The following PTPRB variants were observed in gnomAD, a reference collection of about 807,000 sequenced individuals.
PTPRB encodes the protein protein tyrosine phosphatase receptor type B.
In PTPRB, 97 loss-of-function variants were observed where a neutral mutation model predicts 238.1. That is an observed-to-expected ratio of 0.41 (90% CI 0.35 to 0.48). PTPRB has a LOEUF of 0.48. Ranked by LOEUF, PTPRB falls within the 20% of genes least tolerant of loss-of-function variation. PTPRB has a pLI of 0.30. For synonymous variants in PTPRB, 970 were observed against 995.4 expected (o/e 0.97, Z 0.48); for missense variants, 2,292 against 2,681.9 (o/e 0.85, Z 3.21).
At chr12:70,588,095 C>CAAAAA (rs10558140) in intron 8 of PTPRB, among the ~76,000 whole-genome samples, 35 of 104,478 alleles carry the variant, frequency 3.3e-4, no homozygotes, top group African/African-American at 4.2e-4. Flanking sequence ...GACTCTGTCT[C>CAAAAA]AAAAAAAAAA....
In PTPRB at chr12:70,592,272, C is replaced by T. The variant is rs1882560690; in HGVS notation, c.1780+10G>A. 2.5e-6 allele frequency: 4 copies of T among 1,613,816 alleles called. No homozygotes were observed. The highest frequency in any genetic ancestry group is 3.4e-6 in the Non-Finnish European group (4 of 1,179,878). ...AGCAACCAAGGAACATTCTGGAGCCCAAGACTCACATGTTCTGCCCACTGC... is the reference window on the plus strand; with the variant it reads ...AGCAACCAAGGAACATTCTGGAGCCTAAGACTCACATGTTCTGCCCACTGC... On this transcript the variant is annotated intron_variant, in intron 7 of 33. Transcript: ENST00000334414.
At chr12:70,596,876 C>T (rs1031542707) in intron 4 of PTPRB, among the ~76,000 whole-genome samples, 13 of 151,538 alleles carry the variant, frequency 8.6e-5, no homozygotes, top group African/African-American at 3.2e-4. Flanking sequence ...GGTTGCTTAC[C>T]AAAATGGATT....
At chr12:70,551,661 G>A (rs1379063099) in intron 21 of PTPRB, among the ~76,000 whole-genome samples, 1 of 152,066 alleles carries the variant, frequency 6.6e-6, no homozygotes, top group Non-Finnish European at 1.5e-5. Flanking sequence ...CTAATTTACT[G>A]CCATATTGGT....
In PTPRB at chr12:70,560,818, G is replaced by A; in HGVS notation, c.4285C>T (p.Pro1429Ser). Residue 1429 changes from proline (P) to serine (S), a missense_variant, in exon 17 of 34, where the codon CCC (proline) becomes TCC (serine). Physicochemically the swap from Pro to Ser is moderately conservative, Grantham distance 74. Coordinates refer to ENST00000334414, the MANE Select transcript of PTPRB (RefSeq NM_001109754.4). The surrounding 1 kb of genome is among the most constrained non-coding windows in gnomAD (Gnocchi z 4.2). ...FDFYELILYN[P>S]NGTKKENWKD... The stretch of plus-strand genomic sequence containing the variant: ...CAGTTTTCCTTCTTTGTGCCATTGG[G>A]ATTATAGAGAATCAGCTCATAAAAG... 3 of 1,613,942 alleles carry A rather than the reference G, an allele frequency of 1.9e-6. No individual in the cohort carries two copies. Among genetic ancestry groups the A allele is most frequent in the Non-Finnish European group, 2.5e-6 (3 of 1,179,886 alleles).
chr12:70,619,157 A>T (rs1289410885), intron 3 of PTPRB, among the ~76,000 whole-genome samples: 2 of 142,116 alleles, frequency 1.4e-5, no homozygotes, highest in Admixed American at 7.1e-5. Flanking sequence ...TGTTTAGGGG[A>T]GTGTGTGTGT....
At chr12:70,592,029 T>C (rs941224716) in intron 7 of PTPRB, 5 of 540,788 alleles carry the variant, frequency 9.2e-6, no homozygotes, top group East Asian at 3.1e-5. Context: ...TCAATGCTAA[T>C]GCATTTATGC....
chr12:70,581,777 T>C (rs187535148), intron 9 of PTPRB, among the ~76,000 whole-genome samples: 102 of 151,744 alleles, frequency 6.7e-4, no homozygotes, highest in African/African-American at 2.4e-3. Flanking sequence ...TTAAAGGGGC[T>C]GTTATTATAC....
intron 21 of PTPRB, among the ~76,000 whole-genome samples, chr12:70,552,212 G>A (rs1876981074): frequency 6.6e-6 from 1 of 152,176 alleles, no homozygotes; most frequent in Non-Finnish European, 1.5e-5. Context: ...GGCCAGGCAT[G>A]GTGGCTCACA....
chr12:70,627,181 A>T (rs1885243518), intron 2 of PTPRB, among the ~76,000 whole-genome samples: 1 of 152,164 alleles, frequency 6.6e-6, no homozygotes, highest in Non-Finnish European at 1.5e-5. Flanking sequence ...AGGAGAAAAG[A>T]CTGAAATAGT....
In PTPRB at chr12:70,556,158, A is replaced by T. The variant is rs746375628; in HGVS notation, c.4715-10T>A. The T allele has an allele frequency of 1.2e-6, 2 of 1,608,260 alleles. No individual in the cohort carries two copies. Among genetic ancestry groups the T allele is most frequent in the South Asian group, 2.2e-5 (2 of 90,596 alleles). On this transcript the variant is annotated splice_polypyrimidine_tract_variant and intron_variant, in intron 18 of 33. Transcript: ENST00000334414. ...TGTATCTTGTCAGGCTCTAAAGGAAACAGAGGAGGCAACACTTTTCAGAAC... is the reference window on the plus strand; with the variant it reads ...TGTATCTTGTCAGGCTCTAAAGGAATCAGAGGAGGCAACACTTTTCAGAAC...
At position 70,590,104 on chromosome 12, in the gene PTPRB, A is replaced by C. The variant is rs1056477409; in HGVS notation, c.1910T>G (p.Leu637Arg). The change falls in exon 8 of 34, where the codon CTG becomes CGG. Residue 637 changes from leucine (L) to arginine (R), a missense_variant. Coordinates refer to ENST00000334414, the MANE Select transcript of PTPRB (RefSeq NM_001109754.4). The part of the protein sequence containing the change: ...RILLFNDSVV[L>R]LNITVGKEET... ...TTCCTTTCCCACAGTGATGTTGAGC[A>C]GCACCACAGAATCATTGAAGAGTAG... is the stretch of plus-strand genomic sequence containing the variant. 6.2e-7 allele frequency: 1 copy of C among 1,613,846 alleles called. No individual in the cohort carries two copies. Among genetic ancestry groups the C allele is most frequent in the African/African-American group, 1.3e-5 (1 of 74,914 alleles).
chr12:70,538,007 A>G, intron 28 of PTPRB, 148 bp downstream of exon 28: 1 of 584,128 alleles, frequency 1.7e-6, no homozygotes, highest in Non-Finnish European at 2.9e-6. Flanking sequence ...TGGATACCCC[A>G]TTTTTTTTAT....
chr12:70,635,552 A>C, intron 2 of PTPRB, 119 bp downstream of exon 2: 1 of 1,241,054 alleles, frequency 8.1e-7, no homozygotes, highest in Middle Eastern at 2.4e-4. Flanking sequence ...TCCATAGGAA[A>C]TATGTTGGGG....
chr12:70,582,294 T>C (rs1161490686), intron 9 of PTPRB, among the ~76,000 whole-genome samples: 1 of 152,150 alleles, frequency 6.6e-6, no homozygotes, highest in Non-Finnish European at 1.5e-5. Flanking sequence ...CTACTGTATA[T>C]GGATCAGATT....
Position 70,538,147 on chromosome 12 carries a change from T to G in PTPRB, c.5946+8A>C, listed in dbSNP as rs779373775. 2 of 1,610,624 alleles carry G rather than the reference T, an allele frequency of 1.2e-6. No individual in the cohort carries two copies. Among genetic ancestry groups the G allele is most frequent in the Non-Finnish European group, 1.7e-6 (2 of 1,177,932 alleles). ...ATCCTGAACACTATGGCCTAGTGGG[T>G]CACTTACAGGGATGTAGCTGGCATT... On this transcript the variant is annotated splice_region_variant and intron_variant, in intron 28 of 33. Coordinates refer to ENST00000334414, the MANE Select transcript of PTPRB (RefSeq NM_001109754.4).
intron 21 of PTPRB, among the ~76,000 whole-genome samples, chr12:70,547,265 C>A (rs1876126094): frequency 6.6e-6 from 1 of 152,098 alleles, no homozygotes; most frequent in African/African-American, 2.4e-5. Context: ...CCAGGAATAA[C>A]AGCCTGTTAA....
rs778144705 is a variant in PTPRB at position 70,581,322 on chromosome 12, A to C, written c.2312-20T>G. The C allele has an allele frequency of 6.3e-7, 1 of 1,580,992 alleles. No homozygotes were observed. The highest frequency in any genetic ancestry group is 1.4e-5 in the African/African-American group (1 of 73,498). ...CAGGCACTAAAACAGTAGACAGAAG[A>C]AAAAACAAATGACACTTAGTCACCT... On this transcript the variant is annotated intron_variant, in intron 9 of 33. Coordinates refer to ENST00000334414, the MANE Select transcript of PTPRB (RefSeq NM_001109754.4).
intron 10 of PTPRB, 39 bp from the exon 11 acceptor site, chr12:70,576,684 A>AGGG (rs1313001377): frequency 7.0e-3 from 209 of 29,788 alleles, no homozygotes; most frequent in African/African-American, 0.012. Flanking sequence ...GGGGGGGGGA[A>AGGG]GGGGGATTCA....
intron 3 of PTPRB, among the ~76,000 whole-genome samples, chr12:70,617,537 C>A (rs1008174738): frequency 6.6e-6 from 1 of 152,164 alleles, no homozygotes; most frequent in African/African-American, 2.4e-5. Flanking sequence ...GCATTTGCCT[C>A]AGTGAAGGGG....
Sources: allele counts gnomAD v4.1 joint callset (sites outside exome capture counted in the v4.1 genomes callset), GRCh38; gene constraint gnomAD v4.1.1; non-coding constraint Gnocchi (gnomAD v3.1); transcripts MANE v1.5; gene names NCBI Gene and HGNC (gene_info 2026-07-23, HGNC 2026-07-21).